The following KLHL5 variants were observed in gnomAD, a reference collection of about 807,000 sequenced individuals.
The protein encoded by KLHL5 is kelch-like protein 5.
Under a neutral mutation model 77.7 loss-of-function variants are expected in KLHL5, and 48 were observed. The ratio of observed to expected loss-of-function variants is 0.62; its 90% CI spans 0.49 to 0.79. The LOEUF (loss-of-function observed/expected upper bound fraction) is 0.79. KLHL5 is among the 30% of genes least tolerant of loss of function. The probability of loss-of-function intolerance (pLI) is 0.00; values close to 1 mark genes in which losing one functional copy is unlikely to be tolerated. For missense variants in KLHL5, 723 were observed against 859.7 expected (o/e 0.84, Z 1.99); for synonymous variants, 260 against 297.0 (o/e 0.88, Z 1.28).
chr4:39,076,604 GA>G (rs932263154), intron 2 of KLHL5, among the ~76,000 whole-genome samples: 9 of 151,644 alleles, frequency 5.9e-5, no homozygotes, highest in Admixed American at 1.3e-4. Context: ...CAGTGCTAGG[GA>G]AAAAAAGCCT....
chr4:39,119,246 T>TCA (rs1041000705), intron 10 of KLHL5, among the ~76,000 whole-genome samples: 10 of 152,148 alleles, frequency 6.6e-5, no homozygotes, highest in Non-Finnish European at 1.3e-4. Flanking sequence ...CTCTCTATGT[T>TCA]AAAGCACCTA....
At chr4:39,138,584 A>G in the KLHL5 span, among the ~76,000 whole-genome samples, 18 of 152,260 alleles carry the variant, frequency 1.2e-4, no homozygotes, top group Non-Finnish European at 2.1e-4. Flanking sequence ...GGGGAACAAC[A>G]TACACTGGGG....
chr4:39,058,857 C>A (rs765434262), upstream of KLHL5, among the ~76,000 whole-genome samples: 7 of 151,632 alleles, frequency 4.6e-5, no homozygotes, highest in Non-Finnish European at 8.8e-5. Context: ...CAGTGATAAC[C>A]AAAACAAAGC....
intron 7 of KLHL5, among the ~76,000 whole-genome samples, chr4:39,103,861 T>C (rs1721811595): frequency 6.8e-6 from 1 of 147,458 alleles, no homozygotes. Flanking sequence ...GCTTGGCCTA[T>C]AGTCCCAGCT....
chr4:39,113,146 G>A lies in KLHL5; in HGVS notation c.1815G>A (p.Thr605=), dbSNP rs1049658159. The part of the protein sequence containing the change: ...MSKRRGGVGV[T]TWNGLLYAIG... ...AAAGGAGAGGTGGCGTAGGAGTGACGACCTGGAATGGACTGCTGTATGCTA... is the reference window on the plus strand; with the variant it reads ...AAAGGAGAGGTGGCGTAGGAGTGACAACCTGGAATGGACTGCTGTATGCTA... Residue 605 remains threonine, a synonymous_variant, in exon 9 of 11, where the codon ACG becomes ACA. Coordinates refer to ENST00000504108, the MANE Select transcript of KLHL5 (RefSeq NM_015990.5). 13 of 1,614,078 alleles carry A rather than the reference G, an allele frequency of 8.1e-6. No individual in the cohort carries two copies. The highest frequency in any genetic ancestry group is 2.2e-5 in the East Asian group (1 of 44,880).
the KLHL5 span, among the ~76,000 whole-genome samples, chr4:39,140,453 G>A: frequency 0.011 from 1,720 of 152,218 alleles, 37 homozygotes; most frequent in African/African-American, 0.039. Context: ...TGATGGACCC[G>A]CATGCTGGCA....
intron 6 of KLHL5, among the ~76,000 whole-genome samples, chr4:39,102,109 T>C (rs570379422): frequency 2.5e-4 from 38 of 151,050 alleles, no homozygotes; most frequent in African/African-American, 8.9e-4. Context: ...CACAACTATT[T>C]CTAAATTTTA....
downstream of KLHL5, among the ~76,000 whole-genome samples, chr4:39,131,135 G>A (rs1246801263): frequency 3.3e-5 from 5 of 151,254 alleles, no homozygotes; most frequent in African/African-American, 1.2e-4. Context: ...TTACAGGTGT[G>A]AGCCACCGTG....
chr4:39,129,247 G>A (rs1188135274), downstream of KLHL5, among the ~76,000 whole-genome samples: 2 of 146,484 alleles, frequency 1.4e-5, no homozygotes, highest in Non-Finnish European at 3.0e-5. This position sits in a 1 kb window ranked among gnomAD's most constrained non-coding sequence, Gnocchi z 4.2. Flanking sequence ...CAGTGGCATT[G>A]CCCAGGCTGG....
intron 6 of KLHL5, among the ~76,000 whole-genome samples, chr4:39,101,707 G>T (rs1193435360): frequency 2.3e-4 from 35 of 151,654 alleles, no homozygotes; most frequent in Admixed American, 2.3e-3. Flanking sequence ...ATATTAGTTG[G>T]GAGTGGTGGT....
At chr4:39,071,327 CTATT>C (rs553034399) in intron 1 of KLHL5, among the ~76,000 whole-genome samples, 166 of 152,252 alleles carry the variant, frequency 1.1e-3, no homozygotes, top group Non-Finnish European at 1.8e-3. Flanking sequence ...GTGAGCCAGA[CTATT>C]TAGAGTTTCG....
In KLHL5 at chr4:39,113,138, G is replaced by C; in HGVS notation, c.1807G>C (p.Gly603Arg). 6.2e-7 allele frequency: 1 copy of C among 1,614,138 alleles called. No individual in the cohort carries two copies. The highest frequency in any genetic ancestry group is 8.5e-7 in the Non-Finnish European group (1 of 1,179,992). ...AQMSKRRGGV[G>R]VTTWNGLLYA... The stretch of plus-strand genomic sequence containing the variant: ...GATGTCAAAAAGGAGAGGTGGCGTA[G>C]GAGTGACGACCTGGAATGGACTGCT... Residue 603 changes from glycine (G) to arginine (R), a missense_variant, in exon 9 of 11, where the codon GGA (glycine) becomes CGA (arginine). This residue lies in a region of KLHL5 where 214 missense variants were observed against 237.4 expected (regional missense o/e 0.90). Coordinates refer to ENST00000504108, the MANE Select transcript of KLHL5 (RefSeq NM_015990.5).
At chr4:39,077,694 T>A (rs1185667381) in intron 2 of KLHL5, among the ~76,000 whole-genome samples, 8 of 128,612 alleles carry the variant, frequency 6.2e-5, no homozygotes, top group South Asian at 2.5e-4. Context: ...GAACTAAAGG[T>A]AAAAAAAAAA....
chr4:39,125,010 T>C lies in KLHL5; in HGVS notation c.*3944T>C, dbSNP rs1412683064. On this transcript the variant is annotated 3_prime_UTR_variant, in exon 11 of 11. Transcript: ENST00000504108. ...CCAATTTTAAAATGGGCAAAGGACT[T>C]AAATAGACATTTCTCTAATGAAGAT... is the stretch of plus-strand genomic sequence containing the variant. Among the ~76,000 whole-genome samples, 1 of 152,060 alleles carries C rather than the reference T, an allele frequency of 6.6e-6. No individual in the cohort carries two copies. The highest frequency in any genetic ancestry group is 6.6e-5 in the Admixed American group (1 of 15,256).
chr4:39,068,437 C>CTGTGTG (rs71192818), intron 1 of KLHL5, among the ~76,000 whole-genome samples: 4,587 of 147,900 alleles, frequency 0.031, 78 homozygotes, highest in Middle Eastern at 0.082. Flanking sequence ...CCAGAAAACA[C>CTGTGTG]TGTGTGTGTG....
At chr4:39,109,220 T>G (rs1722266621) in intron 8 of KLHL5, among the ~76,000 whole-genome samples, 1 of 152,254 alleles carries the variant, frequency 6.6e-6, no homozygotes. Context: ...AAATCATTTC[T>G]CTGTGCCTCA....
At chr4:39,070,950 T>G (rs1003091017) in intron 1 of KLHL5, among the ~76,000 whole-genome samples, 5 of 152,174 alleles carry the variant, frequency 3.3e-5, no homozygotes, top group Non-Finnish European at 4.4e-5. Flanking sequence ...TCCCCTTTTC[T>G]GTATTCCAGT....
chr4:39,104,807 C>G (rs1384435238), intron 7 of KLHL5, among the ~76,000 whole-genome samples: 1 of 151,602 alleles, frequency 6.6e-6, no homozygotes, highest in African/African-American at 2.4e-5. Flanking sequence ...CGTTCTGTTG[C>G]CAGGCTGAAG....
chr4:39,055,380 T>C (rs1221398713), intron 1 of KLHL5, among the ~76,000 whole-genome samples: 1 of 152,240 alleles, frequency 6.6e-6, no homozygotes, highest in African/African-American at 2.4e-5. Context: ...GATTCTGTAT[T>C]CATATTATTT....
Sources: gnomAD v4.1 joint callset for allele counts (sites outside exome capture counted in the v4.1 genomes callset) on GRCh38, gnomAD v4.1.1 for gene constraint, gnomAD v4.1.1 regional missense constraint, Gnocchi (gnomAD v3.1) non-coding constraint, MANE v1.5 for transcripts, NCBI Gene and HGNC (gene_info 2026-07-23, HGNC 2026-07-21) for gene names.